PMFBP1: variants seen among roughly 807,000 people sequenced by gnomAD.
The protein encoded by PMFBP1 is polyamine modulated factor 1 binding protein 1, also known as polyamine-modulated factor 1-binding protein 1.
A neutral mutation model predicts 137.8 loss-of-function variants in PMFBP1; 131 were observed. The ratio of observed to expected loss-of-function variants is 0.95; its 90% CI spans 0.82 to 1.10. The LOEUF is 1.10. Among genes scored for constraint, PMFBP1 ranks in the 50% least tolerant of loss-of-function variants. PMFBP1 has a pLI of 0.00. For missense variants in PMFBP1, 1,199 were observed against 1,175.4 expected, an observed-to-expected ratio of 1.02 and a Z score of -0.29; for synonymous variants, 490 against 450.4, an observed-to-expected ratio of 1.09 and a Z score of -1.11.
the PMFBP1 span, among the ~76,000 whole-genome samples, chr16:72,245,000 C>A: frequency 1.3e-5 from 2 of 152,126 alleles, no homozygotes; most frequent in Non-Finnish European, 2.9e-5. Context: ...AGTCGGGCAA[C>A]TGACTTGGGT....
At chr16:72,130,182 C>G in intron 12 of PMFBP1, 31 bp downstream of exon 12, 3 of 1,607,476 alleles carry the variant, frequency 1.9e-6, no homozygotes, top group South Asian at 2.2e-5. Flanking sequence ...AGAGCAAGCA[C>G]TTGAATGGGC....
chr16:72,226,566 G>C, the PMFBP1 span, among the ~76,000 whole-genome samples: 1 of 151,992 alleles, frequency 6.6e-6, no homozygotes, highest in African/African-American at 2.4e-5. Context: ...GCTTCCATTT[G>C]TCTCCATTAT....
chr16:72,233,351 G>C, the PMFBP1 span, among the ~76,000 whole-genome samples: 1 of 152,074 alleles, frequency 6.6e-6, no homozygotes, highest in Non-Finnish European at 1.5e-5. Flanking sequence ...TGGATGAAAA[G>C]AATGAATTCT....
At chr16:72,120,385 G>A (rs561639959) in intron 19 of PMFBP1, among the ~76,000 whole-genome samples, 1 of 152,142 alleles carries the variant, frequency 6.6e-6, no homozygotes, top group Admixed American at 6.5e-5. Flanking sequence ...TGACTGATGG[G>A]ATTCATACGA....
At chr16:72,129,020 C>A in intron 13 of PMFBP1, 46 bp downstream of exon 13, 2 of 1,597,832 alleles carry the variant, frequency 1.3e-6, no homozygotes, top group Non-Finnish European at 1.7e-6. Context: ...GGGTCATGTC[C>A]CGCTCTGGAT....
chr16:72,173,682 C>T (rs1464787972), upstream of PMFBP1, among the ~76,000 whole-genome samples: 2 of 152,200 alleles, frequency 1.3e-5, no homozygotes, highest in African/African-American at 2.4e-5. Flanking sequence ...GTTTTTGATA[C>T]ATTTGACAGT....
chr16:72,181,011 C>T (rs560497659), upstream of PMFBP1, among the ~76,000 whole-genome samples: 20 of 152,182 alleles, frequency 1.3e-4, no homozygotes, highest in African/African-American at 2.6e-4. Flanking sequence ...GAGGCCAAGG[C>T]GGGCAGATCA....
the PMFBP1 span, among the ~76,000 whole-genome samples, chr16:72,208,766 A>C: frequency 6.6e-6 from 1 of 152,232 alleles, no homozygotes; most frequent in Non-Finnish European, 1.5e-5. Flanking sequence ...TTCACTTAAA[A>C]GAAATACAGG....
At chr16:72,221,676 A>G in the PMFBP1 span, among the ~76,000 whole-genome samples, 34 of 152,222 alleles carry the variant, frequency 2.2e-4, no homozygotes, top group Non-Finnish European at 4.4e-5. Flanking sequence ...ACAGATGTTT[A>G]AACTCTTCTG....
At chr16:72,132,095 T>C (rs557361141) in intron 10 of PMFBP1, among the ~76,000 whole-genome samples, 2 of 152,198 alleles carry the variant, frequency 1.3e-5, no homozygotes, top group Admixed American at 1.3e-4. Context: ...TCCGCCCACC[T>C]TGGCCTCCAA....
At chr16:72,130,800 T>G in intron 10 of PMFBP1, 78 bp from the exon 11 acceptor site, 1 of 1,387,506 alleles carries the variant, frequency 7.2e-7, no homozygotes, top group Non-Finnish European at 9.6e-7. Context: ...GCTGAAGAGT[T>G]TTTCCTTTCA....
intron 12 of PMFBP1, 55 bp downstream of exon 12, chr16:72,130,158 G>A: frequency 1.9e-6 from 3 of 1,599,440 alleles, no homozygotes; most frequent in Non-Finnish European, 2.5e-6. Context: ...CCTAGTCTGT[G>A]TTTTATCTTA....
chr16:72,135,056 G>A (rs1246665270), intron 9 of PMFBP1, among the ~76,000 whole-genome samples: 1 of 152,114 alleles, frequency 6.6e-6, no homozygotes, highest in Admixed American at 6.6e-5. Flanking sequence ...AACTGTTTAC[G>A]CAGACTCCGT....
At chr16:72,169,735 TATC>T (rs1443793704) in intron 2 of PMFBP1, among the ~76,000 whole-genome samples, 1 of 152,072 alleles carries the variant, frequency 6.6e-6, no homozygotes, top group Non-Finnish European at 1.5e-5. Flanking sequence ...GAGATCCCCT[TATC>T]AGCTGTGTAT....
At chr16:72,230,562 C>G in the PMFBP1 span, among the ~76,000 whole-genome samples, 1 of 152,156 alleles carries the variant, frequency 6.6e-6, no homozygotes, top group Non-Finnish European at 1.5e-5. Flanking sequence ...CATCCCCACT[C>G]CCAACTATTT....
the PMFBP1 span, among the ~76,000 whole-genome samples, chr16:72,226,932 A>G: frequency 6.6e-6 from 1 of 152,194 alleles, no homozygotes; most frequent in Admixed American, 6.5e-5. Flanking sequence ...AGTACCTGGC[A>G]TTGCTTGGAT....
At position 72,132,812 on chromosome 16, in the gene PMFBP1, C is replaced by T. The variant is rs372420846; in HGVS notation, c.1383G>A (p.Leu461=). ...TCTTCAGCTTCTGGACCTCAGCCTG[C>T]AGGGCCTTGCACTCCGCCTCCTTGG... ...DKSKEAECKA[L]QAEVQKLKNS... The change falls in exon 10 of 21, where the codon CTG becomes CTA. Residue 461 remains leucine (L), a synonymous_variant. Coordinates refer to ENST00000237353, the MANE Select transcript of PMFBP1 (RefSeq NM_031293.3). 14 of 1,614,088 alleles carry T rather than the reference C, an allele frequency of 8.7e-6. No individual in the cohort carries two copies. Among genetic ancestry groups the T allele is most frequent in the Admixed American group, 3.3e-5 (2 of 59,998 alleles).
chr16:72,130,098 G>A, intron 12 of PMFBP1, 115 bp downstream of exon 12: 2 of 1,393,902 alleles, frequency 1.4e-6, no homozygotes, highest in Non-Finnish European at 9.8e-7. Context: ...CAAGTGATCT[G>A]CCTGCCTTGG....
upstream of PMFBP1, among the ~76,000 whole-genome samples, chr16:72,178,130 C>G (rs542672779): frequency 2.6e-5 from 4 of 152,062 alleles, no homozygotes; most frequent in South Asian, 8.3e-4. Flanking sequence ...TGAGCTCAAG[C>G]GATCTGGCTG....
Sources: allele counts gnomAD v4.1 joint callset (sites outside exome capture counted in the v4.1 genomes callset), GRCh38; gene constraint gnomAD v4.1.1; transcripts MANE v1.5; gene names NCBI Gene and HGNC (gene_info 2026-07-23, HGNC 2026-07-21).